Variants in ACER3 observed in about 807,000 individuals in gnomAD.
ACER3 encodes the protein alkaline ceramidase 3.
In ACER3, 16 loss-of-function variants were observed where a neutral mutation model predicts 48.9. That is an observed-to-expected ratio of 0.33 (90% CI 0.22 to 0.50). The LOEUF (loss-of-function observed/expected upper bound fraction) is 0.50. Among genes scored for constraint, ACER3 ranks in the 20% least tolerant of loss-of-function variants. The pLI is 0.98. For missense variants in ACER3, 227 were observed against 326.0 expected (o/e 0.70, Z 2.34); for synonymous variants, 109 against 107.8 (o/e 1.01, Z -0.07).
chr11:76,950,163 G>A (rs998645533), intron 2 of ACER3, among the ~76,000 whole-genome samples: 5 of 151,416 alleles, frequency 3.3e-5, no homozygotes, highest in African/African-American at 1.2e-4. Context: ...GTAATTATCT[G>A]TGTGCTTCCT....
intron 3 of ACER3, among the ~76,000 whole-genome samples, chr11:76,963,036 G>C (rs1311967119): frequency 6.6e-6 from 1 of 151,424 alleles, no homozygotes; most frequent in Admixed American, 6.6e-5. Flanking sequence ...GAAGCTGCCT[G>C]CCTGAAAAAT....
At chr11:76,864,016 A>G (rs1193086191) in intron 1 of ACER3, among the ~76,000 whole-genome samples, 2 of 152,226 alleles carry the variant, frequency 1.3e-5, no homozygotes, top group Non-Finnish European at 2.9e-5. Context: ...TTGAACAACT[A>G]TTCAGTTTAC....
At chr11:76,967,023 G>T (rs1948155626) in intron 3 of ACER3, among the ~76,000 whole-genome samples, 1 of 152,120 alleles carries the variant, frequency 6.6e-6, no homozygotes, top group African/African-American at 2.4e-5. Flanking sequence ...CCAGGAGCTG[G>T]TTTTTTGAAA....
chr11:76,888,337 T>C (rs572103153), intron 1 of ACER3, among the ~76,000 whole-genome samples: 1 of 152,246 alleles, frequency 6.6e-6, no homozygotes, highest in Non-Finnish European at 1.5e-5. Context: ...AAATCTATTC[T>C]GTTTCTTTTG....
chr11:76,873,261 C>G (rs371242990), intron 1 of ACER3, among the ~76,000 whole-genome samples: 10 of 152,174 alleles, frequency 6.6e-5, no homozygotes, highest in African/African-American at 2.4e-4. Flanking sequence ...GGTCTGGAGA[C>G]TACACTTGGA....
At position 76,933,173 on chromosome 11, in the gene ACER3, C is replaced by CATATATAT. The variant is rs144524712; in HGVS notation, c.214+6519_214+6526dup. 8.6e-3 allele frequency among the ~76,000 whole-genome samples: 1,116 copies of CATATATAT among 129,514 alleles called. 17 individuals are homozygous for CATATATAT. The highest frequency in any genetic ancestry group is 0.014 in the African/African-American group (525 of 37,710). The allele number at this position is 129,514 out of a possible 152,430, so 85.0% of individuals were successfully genotyped here. A position where few individuals can be genotyped will look rare whatever the true frequency, so the allele number is the denominator to read the frequency against. On this transcript the variant is annotated intron_variant, in intron 2 of 10. Coordinates refer to ENST00000532485, the MANE Select transcript of ACER3 (RefSeq NM_018367.7). ...TGCTTCCCCAAATATATACGTATTT[C>CATATATAT]ATATATATATATATATATATGAAAC... is the stretch of plus-strand genomic sequence containing the variant.
chr11:76,950,055 C>T (rs1055430126), intron 2 of ACER3, among the ~76,000 whole-genome samples: 2 of 151,940 alleles, frequency 1.3e-5, no homozygotes, highest in South Asian at 2.1e-4. Context: ...TCTAGAAAGC[C>T]GCCTTTTAAA....
intron 3 of ACER3, among the ~76,000 whole-genome samples, chr11:76,961,523 A>T (rs1180715575): frequency 6.6e-6 from 1 of 151,484 alleles, no homozygotes; most frequent in African/African-American, 2.4e-5. Context: ...TTTAAAAGGA[A>T]CCAGGGCTGA....
At chr11:77,010,683 T>C (rs937976041) in intron 7 of ACER3, among the ~76,000 whole-genome samples, 7 of 152,180 alleles carry the variant, frequency 4.6e-5, no homozygotes. Context: ...ATCCTTGTTC[T>C]AGACCTATGC....
intron 1 of ACER3, among the ~76,000 whole-genome samples, chr11:76,913,389 G>A (rs189726422): frequency 8.9e-4 from 136 of 152,194 alleles, no homozygotes; most frequent in Middle Eastern, 3.4e-3. Context: ...TGCCCTGGCC[G>A]GAACTTCCAA....
At chr11:76,957,178 A>G (rs1947861879) in intron 2 of ACER3, among the ~76,000 whole-genome samples, 1 of 152,146 alleles carries the variant, frequency 6.6e-6, no homozygotes, top group Non-Finnish European at 1.5e-5. Flanking sequence ...TATATGTTTC[A>G]TTAAGGCCAA....
intron 5 of ACER3, among the ~76,000 whole-genome samples, chr11:76,988,784 G>A (rs17812687): frequency 0.4 from 60,587 of 152,062 alleles, 14,777 homozygotes; most frequent in Non-Finnish European, 0.56. Flanking sequence ...AGAGAATCAA[G>A]TCTAGAGATT....
intron 1 of ACER3, among the ~76,000 whole-genome samples, chr11:76,867,742 G>A (rs1398107396): frequency 1.3e-5 from 2 of 152,210 alleles, no homozygotes; most frequent in Admixed American, 1.3e-4. Context: ...ACCTCAGTCT[G>A]AGGAGGTAAC....
chr11:76,959,022 T>A lies in ACER3; in HGVS notation c.258T>A (p.Tyr86Ter). The A allele has an allele frequency of 6.2e-7, 1 of 1,614,046 alleles. No homozygotes were observed. The highest frequency in any genetic ancestry group is 8.5e-7 in the Non-Finnish European group (1 of 1,179,994). ...GGTGCTTCCACATGACTCTGAAATA[T>A]GAAATGCAGGTTAGTAATGATGAAA... ...GSWCFHMTLK[Y>*]EMQLLDELPM... is the part of the protein sequence containing the mutation. The change falls in exon 3 of 11, where the codon TAT (tyrosine) becomes TAA (stop). Residue 86 changes from tyrosine to a stop codon, truncating the protein, a stop_gained. Coordinates refer to ENST00000532485, the MANE Select transcript of ACER3 (RefSeq NM_018367.7). LOFTEE classifies it high-confidence loss of function.
intron 3 of ACER3, among the ~76,000 whole-genome samples, chr11:76,966,957 C>T (rs998697389): frequency 6.6e-6 from 1 of 151,996 alleles, no homozygotes. Flanking sequence ...TAACTAAAAT[C>T]AGAGCAGAAC....
chr11:76,883,847 A>G (rs4945115), intron 1 of ACER3, among the ~76,000 whole-genome samples: 107,238 of 152,096 alleles, frequency 0.71, 38,106 homozygotes, highest in Non-Finnish European at 0.74. Context: ...CTTAAAGTGT[A>G]TTGGATTTTG....
chr11:76,960,496 T>C (rs1457253632), intron 3 of ACER3, among the ~76,000 whole-genome samples: 1 of 152,158 alleles, frequency 6.6e-6, no homozygotes. Flanking sequence ...ATATAAAAAA[T>C]TATGAATAAA....
At chr11:76,875,924 CAG>C (rs1397112029) in intron 1 of ACER3, among the ~76,000 whole-genome samples, 2 of 151,402 alleles carry the variant, frequency 1.3e-5, no homozygotes, top group Non-Finnish European at 2.9e-5. Context: ...TTAGTAGAGA[CAG>C]GGGATTACAG....
intron 6 of ACER3, among the ~76,000 whole-genome samples, chr11:76,993,612 A>G (rs906908845): frequency 6.6e-6 from 1 of 152,230 alleles, no homozygotes; most frequent in African/African-American, 2.4e-5. Context: ...AGTAAAGGCT[A>G]TTCCATCTAT....
Sources: gnomAD v4.1 joint callset for allele counts (sites outside exome capture counted in the v4.1 genomes callset) on GRCh38, gnomAD v4.1.1 for gene constraint, MANE v1.5 for transcripts, NCBI Gene and HGNC (gene_info 2026-07-23, HGNC 2026-07-21) for gene names.